The following PPP1R37 variants were observed in gnomAD, a reference collection of about 807,000 sequenced individuals.
PPP1R37 encodes leucine rich repeat containing 68.
PPP1R37 carries 21 observed loss-of-function variants against 61.0 expected under a neutral mutation model. That is an observed-to-expected ratio of 0.34 (90% confidence interval 0.24 to 0.50). The LOEUF (loss-of-function observed/expected upper bound fraction) is 0.50. PPP1R37 is among the 20% of genes least tolerant of loss of function. The pLI, the probability that PPP1R37 is intolerant of heterozygous loss-of-function variation, is 0.98. For missense variants in PPP1R37, 910 were observed against 952.7 expected, an observed-to-expected ratio of 0.96 and a Z score of 0.59; for synonymous variants, 443 against 433.5, an observed-to-expected ratio of 1.02 and a Z score of -0.27.
At chr19:45,146,100 A>T in intron 11 of PPP1R37, 51 bp downstream of exon 11, 1 of 1,450,936 alleles carries the variant, frequency 6.9e-7, no homozygotes, top group Non-Finnish European at 9.1e-7. Context: ...GCTGTATGTG[A>T]CCCCAGGCAA....
intron 1 of PPP1R37, among the ~76,000 whole-genome samples, chr19:45,102,183 C>G (rs1968072793): frequency 6.6e-6 from 1 of 152,264 alleles, no homozygotes. Flanking sequence ...ACTCTACAGA[C>G]CATCCCAAAC....
At chr19:45,117,896 T>C (rs1298249608) in intron 1 of PPP1R37, among the ~76,000 whole-genome samples, 3 of 152,250 alleles carry the variant, frequency 2.0e-5, no homozygotes, top group African/African-American at 7.2e-5. Flanking sequence ...AGCCCGAGGC[T>C]GCTGGGGAAG....
At chr19:45,116,465 C>T (rs1244056339) in intron 1 of PPP1R37, among the ~76,000 whole-genome samples, 2 of 152,210 alleles carry the variant, frequency 1.3e-5, no homozygotes, top group Non-Finnish European at 2.9e-5. Context: ...TGCCTCCCTG[C>T]CGGGAAGGGC....
chr19:45,140,734 G>A (rs920887994), intron 4 of PPP1R37, 128 bp downstream of exon 4: 1 of 680,936 alleles, frequency 1.5e-6, no homozygotes, highest in Non-Finnish European at 2.5e-6. Flanking sequence ...CGCAAGGGCG[G>A]GGCCTCTTGC....
intron 1 of PPP1R37, among the ~76,000 whole-genome samples, chr19:45,108,109 T>C (rs558746128): frequency 5.4e-4 from 83 of 152,304 alleles, no homozygotes; most frequent in African/African-American, 1.9e-3. Flanking sequence ...GTGCCCACAT[T>C]GGACAGTGAG....
At chr19:45,119,823 C>A (rs576387304) in intron 1 of PPP1R37, among the ~76,000 whole-genome samples, 1 of 152,096 alleles carries the variant, frequency 6.6e-6, no homozygotes, top group African/African-American at 2.4e-5. Flanking sequence ...AGCTCCACCC[C>A]CCAGCACCCC....
rs1968599787 is a variant in PPP1R37, at chr19:45,140,697, G to T, written c.447+91G>T. 3 of 984,030 alleles carry T rather than the reference G, an allele frequency of 3.0e-6. No individual in the cohort carries two copies. In the South Asian group the frequency reaches 4.2e-5, roughly 14 times the overall value. 61.0% of individuals were successfully genotyped at this position (984,030 alleles called of 1,614,324 possible). A position where few individuals can be genotyped will look rare whatever the true frequency, so the allele number is the denominator to read the frequency against. On this transcript the variant is annotated intron_variant, in intron 4 of 12. Transcript: ENST00000221462. ...GGAGAGGACACTGCAGGAGGAGGGG[G>T]TCCCCTAGACAAAGGCTGAGGGGTG... is the stretch of plus-strand genomic sequence containing the variant.
chr19:45,114,169 G>T (rs1335699981), intron 1 of PPP1R37, among the ~76,000 whole-genome samples: 1 of 152,256 alleles, frequency 6.6e-6, no homozygotes, highest in Non-Finnish European at 1.5e-5. Flanking sequence ...GAAGGGTCGA[G>T]AGCCATTGCC....
chr19:45,094,070 T>C (rs370494732), intron 1 of PPP1R37, among the ~76,000 whole-genome samples: 10 of 151,928 alleles, frequency 6.6e-5, no homozygotes, highest in Non-Finnish European at 1.2e-4. Flanking sequence ...TAAAAAGGAG[T>C]CAAGATAAGG....
chr19:45,140,186 G>A (rs1968591796), intron 2 of PPP1R37, 50 bp from the exon 3 acceptor site: 4 of 1,488,860 alleles, frequency 2.7e-6, no homozygotes, highest in Non-Finnish European at 3.6e-6. Context: ...GGCCTCGGCT[G>A]CCCCCCTGTT....
At chr19:45,105,145 A>G (rs535884407) in intron 1 of PPP1R37, among the ~76,000 whole-genome samples, 4 of 152,292 alleles carry the variant, frequency 2.6e-5, no homozygotes, top group South Asian at 2.1e-4. Context: ...GTGGCATGCA[A>G]TGCTGGGTCT....
In PPP1R37 at chr19:45,143,543, C is replaced by T. The variant is rs1968641740; in HGVS notation, c.897C>T (p.Gly299=). The T allele has an allele frequency of 6.5e-7, 1 of 1,535,434 alleles. No individual in the cohort carries two copies. Among genetic ancestry groups the T allele is most frequent in the Non-Finnish European group, 8.7e-7 (1 of 1,146,334 alleles). The change falls in exon 8 of 13, where the codon GGC becomes GGT. Residue 299 remains glycine (G), a synonymous_variant. Transcript: ENST00000221462. The part of the protein sequence containing the change: ...LDSGLAYICE[G]LKEQRKGLVT... ...CAGGTCTGGCCTACATCTGCGAGGG[C>T]CTCAAGGAGCAGAGGAAGGGGCTGG...
At chr19:45,126,472 G>T (rs568081159) in intron 1 of PPP1R37, among the ~76,000 whole-genome samples, 1 of 152,164 alleles carries the variant, frequency 6.6e-6, no homozygotes, top group African/African-American at 2.4e-5. Context: ...TTCGAGGCCC[G>T]CATGCTGTGG....
intron 1 of PPP1R37, 74 bp downstream of exon 1, chr19:45,093,601 G>A (rs1967952364): frequency 1.7e-6 from 2 of 1,168,870 alleles, no homozygotes; most frequent in Admixed American, 4.4e-5. Flanking sequence ...GCAGGGCCCG[G>A]CTCGAGGTGG....
rs552757125 is a variant in PPP1R37 at position 45,119,553 on chromosome 19, C to T, written c.203-18961C>T. 9.1e-4 allele frequency among the ~76,000 whole-genome samples: 139 copies of T among 152,344 alleles called. 1 individual carries two copies. Among genetic ancestry groups the T allele is most frequent in the Non-Finnish European group, 1.5e-3 (104 of 68,030 alleles). Reference sequence around the variant, plus strand: ...TTTCTGGCTTCAGAATTGATGACTACATGGCCAATCTGTTCCTGCCTATCT... The same window carrying T: ...TTTCTGGCTTCAGAATTGATGACTATATGGCCAATCTGTTCCTGCCTATCT... On this transcript the variant is annotated intron_variant, in intron 1 of 12. Coordinates refer to ENST00000221462, the MANE Select transcript of PPP1R37 (RefSeq NM_019121.2).
chr19:45,115,403 C>T (rs1968253524), intron 1 of PPP1R37, among the ~76,000 whole-genome samples: 1 of 152,128 alleles, frequency 6.6e-6, no homozygotes, highest in Non-Finnish European at 1.5e-5. Context: ...CTCCATCTCC[C>T]TGCGCCTCAG....
chr19:45,140,488 G>A lies in PPP1R37; in HGVS notation c.347-18G>A, dbSNP rs749991270. On this transcript the variant is annotated intron_variant, in intron 3 of 12. Coordinates refer to ENST00000221462, the MANE Select transcript of PPP1R37 (RefSeq NM_019121.2). ...GTGCACTGTCTTAGACATGCGCACG[G>A]CTGCTGTCTCCCCCCAGGTGAGAAG... The A allele has an allele frequency of 4.3e-5, 66 of 1,527,426 alleles. 1 individual carries two copies. The South Asian group carries it at 7.5e-4, about 17-fold the overall frequency. The allele number at this position is 1,527,426 out of a possible 1,614,324, so 94.6% of individuals were successfully genotyped here. A position where few individuals can be genotyped will look rare whatever the true frequency, so the allele number is the denominator to read the frequency against.
chr19:45,125,308 CAAA>C (rs1417463110), intron 1 of PPP1R37, among the ~76,000 whole-genome samples: 2 of 151,622 alleles, frequency 1.3e-5, no homozygotes, highest in Admixed American at 1.3e-4. Context: ...ACTAAAAATA[CAAA>C]AATTAGCCGG....
chr19:45,126,526 A>G (rs576734225), intron 1 of PPP1R37, among the ~76,000 whole-genome samples: 2 of 152,236 alleles, frequency 1.3e-5, no homozygotes, highest in African/African-American at 4.8e-5. Flanking sequence ...ATTGTCGTGA[A>G]CAAGAGCTCA....
Sources: allele counts gnomAD v4.1 joint callset (sites outside exome capture counted in the v4.1 genomes callset), GRCh38; gene constraint gnomAD v4.1.1; transcripts MANE v1.5; gene names NCBI Gene and HGNC (gene_info 2026-07-23, HGNC 2026-07-21).